Variants in MGST1 observed in about 807,000 individuals in gnomAD.
MGST1 encodes microsomal glutathione S-transferase 1.
Under a neutral mutation model 8.9 loss-of-function variants are expected in MGST1, and 5 were observed. That is an observed-to-expected ratio of 0.56 (90% CI 0.29 to 1.19). MGST1 has a LOEUF of 1.19. Ranked by LOEUF, MGST1 falls within the 50% of genes most tolerant of loss-of-function variation. The pLI, the probability that MGST1 is intolerant of heterozygous loss-of-function variation, is 0.08. For missense variants in MGST1, 182 were observed against 187.4 expected (o/e 0.97, Z 0.17); for synonymous variants, 54 against 67.8 (o/e 0.80, Z 1.00).
At chr12:16,418,476 ATGC>A in intron 1 of MGST1, among the ~76,000 whole-genome samples, 1 of 152,304 alleles carries the variant, frequency 6.6e-6, no homozygotes, top group East Asian at 1.9e-4. Context: ...TGGGTTTATA[ATGC>A]TCATTATTCT....
chr12:16,438,940 A>G (rs1406180334), downstream of MGST1, among the ~76,000 whole-genome samples: 2 of 151,820 alleles, frequency 1.3e-5, no homozygotes, highest in Non-Finnish European at 2.9e-5. Flanking sequence ...TTAACTAACT[A>G]CTGGGGGCAG....
At chr12:16,431,206 T>C (rs1427754658) in intron 1 of MGST1, among the ~76,000 whole-genome samples, 2 of 152,228 alleles carry the variant, frequency 1.3e-5, no homozygotes, top group East Asian at 3.9e-4. Flanking sequence ...CAGGGGACAT[T>C]GTAGCTGGTT....
At chr12:16,472,164 T>C (rs1434384334) in intron 4 of MGST1, among the ~76,000 whole-genome samples, 1 of 152,188 alleles carries the variant, frequency 6.6e-6, no homozygotes, top group Non-Finnish European at 1.5e-5. Context: ...TCTCAAGGAA[T>C]TATAAGTGCA....
chr12:16,499,053 G>A (rs554885994), intron 4 of MGST1, among the ~76,000 whole-genome samples: 1 of 152,140 alleles, frequency 6.6e-6, no homozygotes, highest in African/African-American at 2.4e-5. Flanking sequence ...TTTTAGGACA[G>A]ATACTTCATG....
downstream of MGST1, chr12:16,364,425 A>ATTTTT (rs1436594242): frequency 4.1e-5 from 40 of 979,986 alleles, no homozygotes; most frequent in African/African-American, 6.8e-4. The surrounding 1 kb of genome is among the most constrained non-coding windows in gnomAD (Gnocchi z 5.7). Flanking sequence ...GTTTGGTTTT[A>ATTTTT]TTTTTCCCAA....
At chr12:16,411,147 G>A (rs868866372) in intron 1 of MGST1, among the ~76,000 whole-genome samples, 2 of 151,914 alleles carry the variant, frequency 1.3e-5, no homozygotes, top group Non-Finnish European at 2.9e-5. Context: ...GGCACTTTTC[G>A]CAGCTGTAAT....
intron 1 of MGST1, among the ~76,000 whole-genome samples, chr12:16,424,096 G>C (rs1940864881): frequency 1.3e-5 from 2 of 152,214 alleles, no homozygotes; most frequent in South Asian, 2.1e-4. Flanking sequence ...TGGAGAGCTA[G>C]AATCATGGTT....
chr12:16,406,239 C>A (rs982550746), intron 1 of MGST1, among the ~76,000 whole-genome samples: 22 of 152,014 alleles, frequency 1.4e-4, no homozygotes, highest in African/African-American at 5.3e-4. Context: ...AATCAATATA[C>A]AAAAATCACT....
chr12:16,520,857 G>A (rs1001796549), intron 4 of MGST1, among the ~76,000 whole-genome samples: 5 of 152,072 alleles, frequency 3.3e-5, no homozygotes, highest in African/African-American at 9.7e-5. Flanking sequence ...TGTTTCATTT[G>A]GGGTACCCAA....
At chr12:16,414,062 CA>C (rs775074092) in intron 1 of MGST1, among the ~76,000 whole-genome samples, 147 of 124,732 alleles carry the variant, frequency 1.2e-3, no homozygotes, top group South Asian at 2.9e-3. Context: ...TGGTTTTATA[CA>C]AAAAAAAAAA....
intron 3 of MGST1, among the ~76,000 whole-genome samples, chr12:16,373,602 C>G (rs58417152): frequency 0.028 from 4,210 of 151,854 alleles, 180 homozygotes; most frequent in African/African-American, 0.095. Context: ...TTTACTCTGG[C>G]CTTTTACAAA....
intron 4 of MGST1, among the ~76,000 whole-genome samples, chr12:16,520,610 A>G (rs1373659959): frequency 6.6e-6 from 1 of 152,100 alleles, no homozygotes. Context: ...AGGTTGGGCC[A>G]TAGGTTTTCG....
intron 4 of MGST1, among the ~76,000 whole-genome samples, chr12:16,530,310 T>C (rs1426493444): frequency 6.6e-6 from 1 of 152,096 alleles, no homozygotes; most frequent in Non-Finnish European, 1.5e-5. Context: ...TTAAGGGTCT[T>C]TGTTTTTTTA....
At chr12:16,588,845 C>A (rs1378526013) in intron 4 of MGST1, among the ~76,000 whole-genome samples, 1 of 152,046 alleles carries the variant, frequency 6.6e-6, no homozygotes, top group Non-Finnish European at 1.5e-5. Flanking sequence ...TGTTTAATTT[C>A]TCCCTTATCT....
At chr12:16,504,188 C>T (rs887810814) in intron 4 of MGST1, among the ~76,000 whole-genome samples, 6 of 145,876 alleles carry the variant, frequency 4.1e-5, no homozygotes, top group Admixed American at 7.1e-5. Flanking sequence ...CAAATAAACA[C>T]TACAACCACA....
At chr12:16,418,402 T>C (rs1466569105) in intron 1 of MGST1, among the ~76,000 whole-genome samples, 2 of 152,234 alleles carry the variant, frequency 1.3e-5, no homozygotes, top group East Asian at 3.9e-4. Context: ...GCAGGGAAGA[T>C]GGAAGTTGGG....
At chr12:16,473,080 C>T (rs184726360) in intron 4 of MGST1, among the ~76,000 whole-genome samples, 1 of 152,256 alleles carries the variant, frequency 6.6e-6, no homozygotes, top group Admixed American at 6.5e-5. Flanking sequence ...ATCCATAATG[C>T]GACTTGATAA....
chr12:16,432,898 A>G (rs1472699052), intron 1 of MGST1, among the ~76,000 whole-genome samples: 1 of 152,068 alleles, frequency 6.6e-6, no homozygotes, highest in Non-Finnish European at 1.5e-5. Context: ...CAGGACAGTC[A>G]ATGGTGTCTG....
chr12:16,367,396 T>C (rs952958346), downstream of MGST1: 17 of 152,140 alleles, frequency 1.1e-4, no homozygotes, highest in African/African-American at 4.1e-4. Flanking sequence ...GGAGTGGAAA[T>C]GAGAATGGCA....
Sources: allele counts gnomAD v4.1 joint callset (sites outside exome capture counted in the v4.1 genomes callset), GRCh38; gene constraint gnomAD v4.1.1; non-coding constraint Gnocchi (gnomAD v3.1); transcripts MANE v1.5; gene names NCBI Gene and HGNC (gene_info 2026-07-23, HGNC 2026-07-21).